Variants in COL23A1 observed in about 807,000 individuals in gnomAD.
The protein encoded by COL23A1 is collagen alpha-1(XXIII) chain.
In COL23A1, 97 loss-of-function variants were observed where a neutral mutation model predicts 99.3. That is an observed-to-expected ratio of 0.98 (90% confidence interval 0.83 to 1.16). The LOEUF is 1.16. COL23A1 is among the 50% of genes most tolerant of loss of function. The pLI is 0.00. For synonymous variants in COL23A1, 320 were observed against 308.2 expected, an observed-to-expected ratio of 1.04 and a Z score of -0.40; for missense variants, 762 against 757.4, an observed-to-expected ratio of 1.01 and a Z score of -0.07.
intron 22 of COL23A1, 79 bp from the exon 23 acceptor site, chr5:178,246,532 G>A: frequency 7.0e-7 from 1 of 1,419,880 alleles, no homozygotes; most frequent in Non-Finnish European, 9.6e-7. Context: ...AGACTGCAAG[G>A]GAGCTGGGAT....
intron 2 of COL23A1, among the ~76,000 whole-genome samples, chr5:178,515,699 G>A (rs913556544): frequency 6.6e-6 from 1 of 152,060 alleles, no homozygotes; most frequent in Non-Finnish European, 1.5e-5. Context: ...CATCTGTCCC[G>A]GCTCTGCGGC....
intron 25 of COL23A1, among the ~76,000 whole-genome samples, chr5:178,244,294 T>C (rs1224395706): frequency 2.6e-5 from 4 of 152,098 alleles, no homozygotes; most frequent in Non-Finnish European, 5.9e-5. Context: ...TGGCCGGTAA[T>C]GTTCTCTTTT....
intron 2 of COL23A1, among the ~76,000 whole-genome samples, chr5:178,460,617 G>A (rs374084137): frequency 1.1e-4 from 16 of 152,256 alleles, no homozygotes; most frequent in African/African-American, 3.8e-4. Flanking sequence ...GAGCAGCCTC[G>A]GCTTCCCAGA....
At chr5:178,548,176 T>C (rs1443249360) in intron 2 of COL23A1, among the ~76,000 whole-genome samples, 2 of 150,318 alleles carry the variant, frequency 1.3e-5, no homozygotes, top group Admixed American at 6.7e-5. Context: ...GCAGCCAGCA[T>C]AGCAGCATCA....
At chr5:178,317,651 T>C (rs1943701716) in intron 2 of COL23A1, among the ~76,000 whole-genome samples, 1 of 152,256 alleles carries the variant, frequency 6.6e-6, no homozygotes, top group African/African-American at 2.4e-5. Context: ...ATAACACTCC[T>C]CTTTCATGTT....
intron 2 of COL23A1, among the ~76,000 whole-genome samples, chr5:178,314,111 C>A (rs539100202): frequency 6.6e-6 from 1 of 152,074 alleles, no homozygotes; most frequent in East Asian, 1.9e-4. Flanking sequence ...CACTGAGACC[C>A]GGAGAGGCTG....
intron 9 of COL23A1, 46 bp from the exon 10 acceptor site, chr5:178,262,298 A>G (rs1293285595): frequency 6.4e-7 from 1 of 1,556,654 alleles, no homozygotes; most frequent in South Asian, 1.2e-5. Flanking sequence ...AGGATGTCAC[A>G]TTGAACTGAG....
chr5:178,313,138 C>T lies in COL23A1; in HGVS notation c.362-6219G>A, dbSNP rs983534840. ...TTCCACTTCTGGAGGCTCCTGCAGTCGCCAGATTCACAGGGGCAGAAGGTG... is the reference window on the plus strand; with the variant it reads ...TTCCACTTCTGGAGGCTCCTGCAGTTGCCAGATTCACAGGGGCAGAAGGTG... On this transcript the variant is annotated intron_variant, in intron 2 of 28. Coordinates refer to ENST00000390654, the MANE Select transcript of COL23A1 (RefSeq NM_173465.4). The surrounding 1 kb of genome is among the most constrained non-coding windows in gnomAD (Gnocchi z 4.2). 5.3e-5 allele frequency among the ~76,000 whole-genome samples: 8 copies of T among 152,216 alleles called. No individual in the cohort carries two copies. Among genetic ancestry groups the T allele is most frequent in the South Asian group, 2.1e-4 (1 of 4,822 alleles).
intron 2 of COL23A1, among the ~76,000 whole-genome samples, chr5:178,373,597 G>A (rs1223645486): frequency 6.6e-6 from 1 of 151,948 alleles, no homozygotes; most frequent in Non-Finnish European, 1.5e-5. Flanking sequence ...TTTATTTTTA[G>A]TAGAGACGGG....
intron 1 of COL23A1, among the ~76,000 whole-genome samples, chr5:178,577,132 C>T (rs1763413377): frequency 6.6e-6 from 1 of 152,172 alleles, no homozygotes; most frequent in Non-Finnish European, 1.5e-5. Context: ...CTCAGCCCAA[C>T]TCCCAAGGCC....
At chr5:178,477,253 A>G (rs1757080797) in intron 2 of COL23A1, among the ~76,000 whole-genome samples, 1 of 152,212 alleles carries the variant, frequency 6.6e-6, no homozygotes, top group African/African-American at 2.4e-5. Context: ...GAAACCATGA[A>G]GTCATCTTGG....
At chr5:178,382,991 C>T (rs555309492) in intron 2 of COL23A1, among the ~76,000 whole-genome samples, 46 of 152,186 alleles carry the variant, frequency 3.0e-4, no homozygotes, top group Admixed American at 8.5e-4. Context: ...GTGAGAGACT[C>T]CACCTGTCGG....
chr5:178,574,003 C>T (rs1206247200), intron 1 of COL23A1, among the ~76,000 whole-genome samples: 2 of 152,070 alleles, frequency 1.3e-5, no homozygotes, highest in African/African-American at 4.8e-5. Flanking sequence ...GGGGTACAGG[C>T]GCCCACCATC....
rs1288003606 is a variant in COL23A1, at chr5:178,307,877, G to T, written c.362-958C>A. ...ACAGTGGGACAGGTTGTGACCCTAT[G>T]ACAAGGCACTGCCCTTTCCTGCAAA... On this transcript the variant is annotated intron_variant, in intron 2 of 28. Coordinates refer to ENST00000390654, the MANE Select transcript of COL23A1 (RefSeq NM_173465.4). This position sits in a 1 kb window ranked among gnomAD's most constrained non-coding sequence, Gnocchi z 4.2. Among the ~76,000 whole-genome samples the T allele has an allele frequency of 6.6e-6, 1 of 152,228 alleles. No individual in the cohort carries two copies. Among genetic ancestry groups the T allele is most frequent in the African/African-American group, 2.4e-5 (1 of 41,454 alleles).
chr5:178,400,350 G>C (rs551486519), intron 2 of COL23A1, among the ~76,000 whole-genome samples: 4 of 127,834 alleles, frequency 3.1e-5, no homozygotes, highest in Non-Finnish European at 6.2e-5. Flanking sequence ...CTGGGCGACA[G>C]AGCGAGACTC....
intron 2 of COL23A1, among the ~76,000 whole-genome samples, chr5:178,470,877 C>T (rs1027519123): frequency 6.6e-6 from 1 of 152,218 alleles, no homozygotes; most frequent in Admixed American, 6.5e-5. Flanking sequence ...AAGGCTGCTG[C>T]GGTCACCTGG....
At chr5:178,379,536 C>G (rs891224429) in intron 2 of COL23A1, among the ~76,000 whole-genome samples, 2 of 152,112 alleles carry the variant, frequency 1.3e-5, no homozygotes, top group Non-Finnish European at 2.9e-5. Flanking sequence ...TTACAGTAAG[C>G]AAGAATTCAT....
intron 2 of COL23A1, among the ~76,000 whole-genome samples, chr5:178,522,983 C>G (rs1760035844): frequency 1.3e-5 from 2 of 151,652 alleles, no homozygotes; most frequent in South Asian, 4.2e-4. Context: ...GGCCCAGCCT[C>G]CCATCTATGT....
intron 3 of COL23A1, among the ~76,000 whole-genome samples, chr5:178,300,871 AT>A (rs748148528): frequency 1.6e-4 from 24 of 151,706 alleles, no homozygotes; most frequent in South Asian, 1.5e-3. Context: ...GCCAAGATTC[AT>A]TTTTTTTGCT....
Sources: allele counts gnomAD v4.1 joint callset (sites outside exome capture counted in the v4.1 genomes callset), GRCh38; gene constraint gnomAD v4.1.1; non-coding constraint Gnocchi (gnomAD v3.1); transcripts MANE v1.5; gene names NCBI Gene and HGNC (gene_info 2026-07-23, HGNC 2026-07-21).